The following CBR4 variants were observed in gnomAD, a reference collection of about 807,000 sequenced individuals.
CBR4 encodes 3-oxoacyl-[acyl-carrier-protein] reductase.
Under a neutral mutation model 21.0 loss-of-function variants are expected in CBR4, and 22 were observed. The observed-to-expected ratio is 1.05, with a 90% confidence interval of 0.75 to 1.50. CBR4 has a LOEUF of 1.50. CBR4 is among the 40% of genes most tolerant of loss of function. CBR4 has a pLI of 0.00. For synonymous variants in CBR4, 100 were observed against 104.4 expected, an observed-to-expected ratio of 0.96 and a Z score of 0.26; for missense variants, 302 against 286.3, an observed-to-expected ratio of 1.05 and a Z score of -0.40.
chr4:168,965,623 C>G (rs1438532983), intron 2 of CBR4, among the ~76,000 whole-genome samples: 1 of 152,268 alleles, frequency 6.6e-6, no homozygotes, highest in East Asian at 1.9e-4. Context: ...TGATCTTTGA[C>G]AAACCTGACA....
intron 2 of CBR4, among the ~76,000 whole-genome samples, chr4:168,940,068 T>G (rs963649613): frequency 2.0e-5 from 3 of 151,992 alleles, no homozygotes; most frequent in African/African-American, 7.2e-5. Context: ...ATAAAAACAG[T>G]CTGGTACTGG....
In CBR4 at chr4:168,989,681, C is replaced by T. The variant is rs190943358; in HGVS notation, c.*469G>A. The T allele has an allele frequency of 1.6e-5, 16 of 982,996 alleles. No homozygotes were observed. Among genetic ancestry groups the T allele is most frequent in the African/African-American group, 1.4e-4 (8 of 57,246 alleles). The allele number at this position is 982,996 out of a possible 1,614,324, so 60.9% of individuals were successfully genotyped here. Reference sequence around the variant, plus strand: ...AAGAAAATAATTCATCATAATTAGACAATATAATTTTTCCACTTTTGAGAC... The same window carrying T: ...AAGAAAATAATTCATCATAATTAGATAATATAATTTTTCCACTTTTGAGAC... On this transcript the variant is annotated 3_prime_UTR_variant, in exon 5 of 5. Coordinates refer to ENST00000306193, the MANE Select transcript of CBR4 (RefSeq NM_032783.5).
intron 2 of CBR4, among the ~76,000 whole-genome samples, chr4:168,961,366 T>A (rs1457522629): frequency 6.6e-6 from 1 of 152,198 alleles, no homozygotes; most frequent in Non-Finnish European, 1.5e-5. Context: ...TCTCAATATC[T>A]ATAGAATATT....
At chr4:168,950,821 G>T (rs529613495) in intron 2 of CBR4, among the ~76,000 whole-genome samples, 21 of 152,188 alleles carry the variant, frequency 1.4e-4, no homozygotes, top group African/African-American at 5.1e-4. Context: ...GTAGGACAAG[G>T]CCTTTTATCA....
At chr4:168,910,817 G>A (rs916025474) in intron 2 of CBR4, among the ~76,000 whole-genome samples, 4 of 152,102 alleles carry the variant, frequency 2.6e-5, no homozygotes, top group Non-Finnish European at 5.9e-5. Flanking sequence ...GGTATTTAAG[G>A]CTCATTCCAG....
At position 168,933,741 on chromosome 4, in the gene CBR4, A is replaced by G. The variant is rs116188294; in HGVS notation, n.170-38976T>C. 2.3e-3 allele frequency among the ~76,000 whole-genome samples: 349 copies of G among 152,284 alleles called. 1 individual carries two copies. Among genetic ancestry groups the G allele is most frequent in the African/African-American group, 8.3e-3 (343 of 41,566 alleles). ...TTTTTATCAGCACATGGAACATTCT[A>G]CAGGATTGACCATATATTAGGACAC... On this transcript the variant is annotated intron_variant and non_coding_transcript_variant, in intron 2 of 3. Transcript: ENST00000509108.
rs1488088422 is a variant in CBR4 at position 168,898,508 on chromosome 4, A to G, written n.170-3743T>C. On this transcript the variant is annotated intron_variant and non_coding_transcript_variant, in intron 2 of 3. Coordinates refer to the CBR4 transcript ENST00000509108. ...CTTGATTCAGGAATACAAAGTCTCC[A>G]GCTGTGAACAGAGACTCATCAGTGA... 12 of 1,611,276 alleles carry G rather than the reference A, an allele frequency of 7.4e-6. No individual in the cohort carries two copies. Among genetic ancestry groups the G allele is most frequent in the Non-Finnish European group, 1.0e-5 (12 of 1,177,502 alleles).
intron 2 of CBR4, among the ~76,000 whole-genome samples, chr4:168,902,369 TG>T (rs1553972426): frequency 6.6e-6 from 1 of 152,114 alleles, no homozygotes. Flanking sequence ...AGTCTGCAGG[TG>T]GGGTGATGTA....
At chr4:168,970,604 C>T (rs777199906) in intron 2 of CBR4, among the ~76,000 whole-genome samples, 1 of 152,138 alleles carries the variant, frequency 6.6e-6, no homozygotes, top group Non-Finnish European at 1.5e-5. Context: ...GTGTACACTG[C>T]ACCCAGTGTG....
chr4:168,901,228 T>A lies in CBR4; in HGVS notation n.170-6463A>T, dbSNP rs571131860. Among the ~76,000 whole-genome samples, 7 of 152,358 alleles carry A rather than the reference T, an allele frequency of 4.6e-5. 1 individual carries two copies. In the East Asian group the frequency reaches 1.2e-3, roughly 25 times the overall value. The stretch of plus-strand genomic sequence containing the variant: ...ACATTAGGATTGTTAAAGTATGGAA[T>A]ATTCATGTTTAAAGAAATACATGTT... On this transcript the variant is annotated intron_variant and non_coding_transcript_variant, in intron 2 of 3. Coordinates refer to the CBR4 transcript ENST00000509108.
At chr4:168,955,005 A>T (rs1763643566) in intron 2 of CBR4, among the ~76,000 whole-genome samples, 1 of 152,286 alleles carries the variant, frequency 6.6e-6, no homozygotes, top group African/African-American at 2.4e-5. Flanking sequence ...TAATTAAATG[A>T]ACAAGAAATA....
intron 2 of CBR4, among the ~76,000 whole-genome samples, chr4:168,974,201 A>G (rs910771159): frequency 7.9e-5 from 12 of 152,224 alleles, no homozygotes; most frequent in Non-Finnish European, 1.6e-4. Context: ...CACTAGATAC[A>G]AAATTCTTGG....
Position 168,988,720 on chromosome 4 carries a change from T to C in CBR4, c.*1430A>G, listed in dbSNP as rs1764779881. 1 of 973,728 alleles carries C rather than the reference T, an allele frequency of 1.0e-6. No homozygotes were observed. Among genetic ancestry groups the C allele is most frequent in the Admixed American group, 6.2e-5 (1 of 16,242 alleles). 60.3% of individuals were successfully genotyped at this position (973,728 alleles called of 1,614,324 possible). ...GATACTAACTTTACTCACACTTAAT[T>C]GACTTTCTCATATCCTGAGATTAAT... On this transcript the variant is annotated 3_prime_UTR_variant, in exon 5 of 5. Transcript: ENST00000306193.
At chr4:168,949,329 CTTCT>C (rs1181479901) in intron 2 of CBR4, among the ~76,000 whole-genome samples, 1 of 152,160 alleles carries the variant, frequency 6.6e-6, no homozygotes, top group African/African-American at 2.4e-5. Flanking sequence ...AGTTTGACTT[CTTCT>C]TTACCGATTT....
At chr4:168,928,584 AGGATCTT>A in intron 2 of CBR4, 1 of 158,306 alleles carries the variant, frequency 6.3e-6, no homozygotes, top group Non-Finnish European at 1.4e-5. Context: ...TTCTCTGTTC[AGGATCTT>A]ATAAAGCTAA....
At chr4:168,910,172 C>A (rs1482100280) in intron 2 of CBR4, among the ~76,000 whole-genome samples, 1 of 150,278 alleles carries the variant, frequency 6.7e-6, no homozygotes, top group African/African-American at 2.5e-5. Flanking sequence ...ACCCTGAAAA[C>A]AGTGTAGAAA....
chr4:168,981,580 AT>A (rs1481523911), intron 2 of CBR4, among the ~76,000 whole-genome samples: 1 of 152,110 alleles, frequency 6.6e-6, no homozygotes, highest in African/African-American at 2.4e-5. Flanking sequence ...AATAAAGAGA[AT>A]TTTTTTAAAT....
intron 4 of CBR4, among the ~76,000 whole-genome samples, chr4:168,994,840 C>T (rs112951517): frequency 0.05 from 7,559 of 150,614 alleles, 649 homozygotes; most frequent in African/African-American, 0.18. Flanking sequence ...CTGAAACCTC[C>T]GCCTCCCGGG....
chr4:168,926,932 A>C (rs1762646746), intron 2 of CBR4: 1 of 219,722 alleles, frequency 4.6e-6, no homozygotes, highest in Admixed American at 5.8e-5. Context: ...ATCATAAGGA[A>C]GGAACTACTT....
Sources: gnomAD v4.1 joint callset for allele counts (sites outside exome capture counted in the v4.1 genomes callset) on GRCh38, gnomAD v4.1.1 for gene constraint, MANE v1.5 for transcripts, NCBI Gene and HGNC (gene_info 2026-07-23, HGNC 2026-07-21) for gene names.